FCHSD2: variants seen among roughly 807,000 people sequenced by gnomAD.
FCHSD2 encodes F-BAR and double SH3 domains protein 2.
A neutral mutation model predicts 108.1 loss-of-function variants in FCHSD2; 38 were observed. That is an observed-to-expected ratio of 0.35 (90% confidence interval 0.27 to 0.46). The LOEUF is 0.46. FCHSD2 is among the 20% of genes least tolerant of loss of function. The probability of loss-of-function intolerance (pLI) is 1.00; values close to 1 mark genes in which losing one functional copy is unlikely to be tolerated. For missense variants in FCHSD2, 751 were observed against 897.8 expected, an observed-to-expected ratio of 0.84 and a Z score of 2.09; for synonymous variants, 279 against 314.7, an observed-to-expected ratio of 0.89 and a Z score of 1.20.
chr11:72,959,220 CTTTTTTTTTTTTTTTTTT>C (rs11408216), intron 8 of FCHSD2, among the ~76,000 whole-genome samples: 1 of 56,294 alleles, frequency 1.8e-5, no homozygotes. Context: ...ATCCAGCAGT[CTTTTTTTTTTTTTTTTTT>C]TTTTTTTTTG....
At chr11:72,997,156 C>T (rs1439240801) in intron 5 of FCHSD2, among the ~76,000 whole-genome samples, 3 of 152,088 alleles carry the variant, frequency 2.0e-5, no homozygotes, top group Non-Finnish European at 4.4e-5. Flanking sequence ...CAGTAGAGAA[C>T]TATAGCCGAG....
rs764489872 is a variant in FCHSD2, at chr11:72,843,530, A to C, written c.1446T>G (p.Ala482=). The change falls in exon 15 of 20, where the codon GCT becomes GCG. Residue 482 remains alanine, a splice_region_variant and synonymous_variant. Transcript: ENST00000409418. ...CAATGGTCAACTCATCTGGTTGAGA[A>C]GCCTGCAGTGTAGGATGGTCATGGA... is the stretch of plus-strand genomic sequence containing the variant. The part of the protein sequence containing the change: ...LTCKVVYSYK[A]SQPDELTIEE... The C allele has an allele frequency of 5.6e-6, 9 of 1,612,876 alleles. No homozygotes were observed. In the South Asian group the frequency reaches 9.9e-5, roughly 18 times the overall value.
At chr11:72,930,850 A>C (rs527438146) in intron 8 of FCHSD2, among the ~76,000 whole-genome samples, 26 of 152,318 alleles carry the variant, frequency 1.7e-4, no homozygotes, top group Admixed American at 9.2e-4. Context: ...GGGTACAAAA[A>C]AATAGAATAA....
chr11:72,907,327 C>A (rs2135283264), intron 9 of FCHSD2, among the ~76,000 whole-genome samples: 1 of 152,284 alleles, frequency 6.6e-6, no homozygotes, highest in African/African-American at 2.4e-5. Context: ...CCCTTTATTT[C>A]TTTCTCTTGC....
chr11:72,900,202 A>T (rs1252948853), intron 10 of FCHSD2: 1 of 1,315,492 alleles, frequency 7.6e-7, no homozygotes, highest in East Asian at 2.5e-5. Flanking sequence ...ACCCTTCATT[A>T]ACATGCAAAC....
chr11:72,948,435 T>C (rs1856560313), intron 8 of FCHSD2, among the ~76,000 whole-genome samples: 1 of 152,216 alleles, frequency 6.6e-6, no homozygotes, highest in African/African-American at 2.4e-5. Context: ...ATCAAGCATG[T>C]AGACAAATAT....
chr11:73,116,705 G>C (rs1195498682), intron 2 of FCHSD2, among the ~76,000 whole-genome samples: 1 of 151,854 alleles, frequency 6.6e-6, no homozygotes, highest in Non-Finnish European at 1.5e-5. Flanking sequence ...CCAGCTAATT[G>C]CTTTTTATTT....
chr11:72,922,663 TA>T (rs1453153085), intron 8 of FCHSD2, among the ~76,000 whole-genome samples: 1 of 151,878 alleles, frequency 6.6e-6, no homozygotes, highest in Non-Finnish European at 1.5e-5. Context: ...AATTTTAGGT[TA>T]AAAAAACAGA....
intron 3 of FCHSD2, among the ~76,000 whole-genome samples, chr11:73,069,800 A>T (rs1565395533): frequency 6.6e-6 from 1 of 152,202 alleles, no homozygotes; most frequent in African/African-American, 2.4e-5. Context: ...TTAACAAATA[A>T]CAAATGACTC....
rs1333533975 is a variant in FCHSD2, at chr11:73,001,022, C to T, written c.355G>A (p.Val119Met). 2.5e-6 allele frequency: 4 copies of T among 1,611,052 alleles called. No homozygotes were observed. The highest frequency in any genetic ancestry group is 3.4e-6 in the Non-Finnish European group (4 of 1,178,648). ...KNFISEPART[V>M]RSLKEQQLKR... ...AGTTGCTGTTCTTTTAAGCTTCTCA[C>T]TGTCCTTGCAGGCTCAGAAATGAAG... The change falls in exon 5 of 20, where the codon GTG becomes ATG. Residue 119 changes from valine (V) to methionine (M), a missense_variant. By Grantham distance (21) the Val-to-Met change is conservative (BLOSUM62 1). Coordinates refer to ENST00000409418, the MANE Select transcript of FCHSD2 (RefSeq NM_014824.3).
chr11:73,021,408 G>A (rs1858101405), intron 3 of FCHSD2, among the ~76,000 whole-genome samples: 1 of 152,080 alleles, frequency 6.6e-6, no homozygotes, highest in South Asian at 2.1e-4. Context: ...TCCTTTGCAG[G>A]GGCGTGGATG....
At chr11:72,993,869 G>A (rs1304619430) in intron 5 of FCHSD2, among the ~76,000 whole-genome samples, 2 of 152,056 alleles carry the variant, frequency 1.3e-5, no homozygotes, top group Non-Finnish European at 2.9e-5. Context: ...TAACTAACCT[G>A]CACGTTGTGC....
intron 10 of FCHSD2, among the ~76,000 whole-genome samples, chr11:72,901,023 GTTCT>G (rs552925540): frequency 9.7e-4 from 147 of 152,190 alleles, no homozygotes; most frequent in African/African-American, 3.4e-3. Flanking sequence ...TAGCATTTTT[GTTCT>G]TTTTTAAAAA....
At chr11:72,983,729 C>A in intron 8 of FCHSD2, 1 of 398,488 alleles carries the variant, frequency 2.5e-6, no homozygotes, top group Non-Finnish European at 4.9e-6. Context: ...TTTATTGAAA[C>A]CATGACATGA....
chr11:72,842,969 A>T lies in FCHSD2; in HGVS notation c.1706-128T>A, dbSNP rs190366587. ...ATAGGATTAAAGTTGTAATTTTTTT[A>T]CTCACTGATGAATGATTAACTTTAG... On this transcript the variant is annotated intron_variant, in intron 16 of 19. Transcript: ENST00000409418. 747 of 895,406 alleles carry T rather than the reference A, an allele frequency of 8.3e-4. 7 individuals are homozygous for T. The African/African-American group carries it at 0.012, about 14-fold the overall frequency. The allele number at this position is 895,406 out of a possible 1,614,324, so 55.5% of individuals were successfully genotyped here.
chr11:72,978,854 C>CTTTTTTTTTTTTTTTT (rs1190277188), intron 8 of FCHSD2, among the ~76,000 whole-genome samples: 1 of 110,858 alleles, frequency 9.0e-6, no homozygotes, highest in African/African-American at 3.4e-5. Context: ...GTAGCTCTTT[C>CTTTTTTTTTTTTTTTT]TTTTTTTTTT....
intron 12 of FCHSD2, among the ~76,000 whole-genome samples, chr11:72,879,991 TTC>T (rs967561641): frequency 9.7e-6 from 1 of 102,772 alleles, no homozygotes; most frequent in African/African-American, 3.6e-5. Context: ...AAGAGTGAAA[TTC>T]TGTCTCAAAA....
chr11:73,031,521 G>A (rs1407002380), intron 3 of FCHSD2, among the ~76,000 whole-genome samples: 1 of 152,054 alleles, frequency 6.6e-6, no homozygotes, highest in East Asian at 1.9e-4. Context: ...TACCAGGAAC[G>A]GGGAGGGAGA....
chr11:73,135,301 A>G (rs1861097347), intron 2 of FCHSD2, among the ~76,000 whole-genome samples: 1 of 152,244 alleles, frequency 6.6e-6, no homozygotes, highest in African/African-American at 2.4e-5. Context: ...AGAGTCTTCA[A>G]CAATATAATT....
Sources: gnomAD v4.1 joint callset for allele counts (sites outside exome capture counted in the v4.1 genomes callset) on GRCh38, gnomAD v4.1.1 for gene constraint, MANE v1.5 for transcripts, NCBI Gene and HGNC (gene_info 2026-07-23, HGNC 2026-07-21) for gene names.